Variants in SVOP observed in about 807,000 individuals in gnomAD.
SVOP encodes SV2 related protein.
A neutral mutation model predicts 69.1 loss-of-function variants in SVOP; 17 were observed. The observed-to-expected ratio is 0.25, with a 90% CI of 0.17 to 0.37. The LOEUF is 0.37. Ranked by LOEUF, SVOP falls within the 10% of genes least tolerant of loss-of-function variation. The pLI is 1.00. For synonymous variants in SVOP, 238 were observed against 238.6 expected, an observed-to-expected ratio of 1.00 and a Z score of 0.02; for missense variants, 435 against 597.5, an observed-to-expected ratio of 0.73 and a Z score of 2.84.
At chr12:108,917,992 C>T in intron 14 of SVOP, 51 bp downstream of exon 14, 1 of 1,421,160 alleles carries the variant, frequency 7.0e-7, no homozygotes. Context: ...CCCCCACAGC[C>T]ACTCTCCCCC....
At chr12:108,940,640 T>C (rs1395906630) in intron 8 of SVOP, 144 bp downstream of exon 8, 3 of 1,276,664 alleles carry the variant, frequency 2.3e-6, no homozygotes, top group South Asian at 1.5e-5. Context: ...CCCCAGGCCA[T>C]AGCTCCCTTG....
intron 6 of SVOP, among the ~76,000 whole-genome samples, chr12:108,950,764 T>C (rs1364042369): frequency 6.6e-6 from 1 of 152,216 alleles, no homozygotes; most frequent in Non-Finnish European, 1.5e-5. Flanking sequence ...TAATTATGAA[T>C]GCTTAGGTTG....
At chr12:108,915,756 C>T (rs1405038416) in intron 15 of SVOP, 27 bp downstream of exon 15, 5 of 1,580,392 alleles carry the variant, frequency 3.2e-6, no homozygotes, top group Middle Eastern at 1.7e-4. Flanking sequence ...CACCCCCCAT[C>T]CCTCTGTATT....
intron 1 of SVOP, among the ~76,000 whole-genome samples, chr12:108,992,474 G>A (rs2040207864): frequency 6.6e-6 from 1 of 152,196 alleles, no homozygotes; most frequent in South Asian, 2.1e-4. Context: ...CTGAGAGGTC[G>A]AGGCTGCAGT....
chr12:108,955,794 C>T (rs892596268), intron 6 of SVOP, among the ~76,000 whole-genome samples: 3 of 152,232 alleles, frequency 2.0e-5, no homozygotes, highest in African/African-American at 7.2e-5. Flanking sequence ...CTCTGCCAGG[C>T]ACTGTCCTGG....
chr12:108,947,573 T>C (rs944888497), intron 6 of SVOP, among the ~76,000 whole-genome samples: 1 of 152,186 alleles, frequency 6.6e-6, no homozygotes, highest in African/African-American at 2.4e-5. Flanking sequence ...CTTTGCTCAA[T>C]TTACTTGTTT....
chr12:108,914,616 C>A (rs751272654), intron 15 of SVOP, among the ~76,000 whole-genome samples: 1 of 151,850 alleles, frequency 6.6e-6, no homozygotes, highest in Non-Finnish European at 1.5e-5. Flanking sequence ...TCGCCCAGGC[C>A]GGAGTGTAGT....
intron 7 of SVOP, among the ~76,000 whole-genome samples, chr12:108,942,673 G>A (rs946620601): frequency 6.6e-5 from 10 of 152,196 alleles, no homozygotes; most frequent in Non-Finnish European, 1.2e-4. Context: ...CAACTCTCTG[G>A]GCAGCTCATT....
intron 5 of SVOP, among the ~76,000 whole-genome samples, chr12:108,969,327 C>A (rs538403222): frequency 6.7e-6 from 1 of 149,776 alleles, no homozygotes; most frequent in East Asian, 2.0e-4. Flanking sequence ...CTTCCTCCCC[C>A]CTCCCTTCCT....
In SVOP at chr12:108,999,529, ACACCT is replaced by A. The variant is rs1309609586; in HGVS notation, c.36-15773_36-15769del. 3.0e-5 allele frequency among the ~76,000 whole-genome samples: 4 copies of A among 131,734 alleles called. No homozygotes were observed. The East Asian group carries it at 7.0e-4, about 23-fold the overall frequency. 86.4% of individuals were successfully genotyped at this position (131,734 alleles called of 152,430 possible). A position where few individuals can be genotyped will look rare whatever the true frequency, so the allele number is the denominator to read the frequency against. ...TATACATTTTTTTCAGCACCACACC[ACACCT>A]ATTCCAAAATTGACCACATAGTTGG... is the stretch of plus-strand genomic sequence containing the variant. On this transcript the variant is annotated intron_variant, in intron 1 of 15. Coordinates refer to ENST00000610966, the MANE Select transcript of SVOP (RefSeq NM_018711.5).
In SVOP at chr12:108,977,312, C is replaced by T. The variant is rs553785059; in HGVS notation, c.381+86G>A. On this transcript the variant is annotated intron_variant, in intron 4 of 15. Coordinates refer to ENST00000610966, the MANE Select transcript of SVOP (RefSeq NM_018711.5). ...GCTTAATTCTTTTCTGCTGAGCCTT[C>T]GGCAGCAGGAGAAGGGAGATATCCC... 8.6e-4 allele frequency: 1,238 copies of T among 1,446,664 alleles called. 11 individuals are homozygous for T. Among genetic ancestry groups the T allele is most frequent in the South Asian group, 7.6e-3 (601 of 78,664 alleles). 89.6% of individuals were successfully genotyped at this position (1,446,664 alleles called of 1,614,324 possible). A position where few individuals can be genotyped will look rare whatever the true frequency, so the allele number is the denominator to read the frequency against.
chr12:108,925,677 T>C (rs1312238876), intron 11 of SVOP, among the ~76,000 whole-genome samples: 1 of 152,166 alleles, frequency 6.6e-6, no homozygotes, highest in Non-Finnish European at 1.5e-5. Context: ...CCCCTGTTGC[T>C]CCACTCACTC....
intron 8 of SVOP, among the ~76,000 whole-genome samples, 152 bp downstream of exon 8, chr12:108,940,632 C>A (rs1323335007): frequency 1.3e-5 from 2 of 152,136 alleles, no homozygotes; most frequent in South Asian, 2.1e-4. Flanking sequence ...TGGGGCTACC[C>A]CAGGCCATAG....
chr12:108,989,560 G>A (rs761129478), intron 1 of SVOP, among the ~76,000 whole-genome samples: 2 of 152,076 alleles, frequency 1.3e-5, no homozygotes, highest in Non-Finnish European at 2.9e-5. Flanking sequence ...TGTGAGGGCT[G>A]GGCTGTTACA....
chr12:109,019,486 A>T (rs1451394257), intron 1 of SVOP, among the ~76,000 whole-genome samples: 1 of 152,140 alleles, frequency 6.6e-6, no homozygotes, highest in Non-Finnish European at 1.5e-5. Context: ...CAAAGTTCAC[A>T]TTTCTGATAT....
intron 7 of SVOP, among the ~76,000 whole-genome samples, chr12:108,943,985 A>C (rs2039908328): frequency 6.6e-6 from 1 of 151,586 alleles, no homozygotes; most frequent in South Asian, 2.1e-4. Context: ...GGGTTCAAGC[A>C]ATTCTCCTGC....
intron 4 of SVOP, among the ~76,000 whole-genome samples, chr12:108,972,931 G>C (rs976193283): frequency 1.3e-5 from 2 of 152,238 alleles, no homozygotes; most frequent in African/African-American, 2.4e-5. Context: ...ACCACTCATT[G>C]TGTGGGAGGC....
chr12:108,917,294 A>G (rs2039719919), intron 14 of SVOP, among the ~76,000 whole-genome samples: 2 of 152,176 alleles, frequency 1.3e-5, no homozygotes, highest in South Asian at 4.1e-4. Context: ...TCATTCACTT[A>G]CTTATTCAGC....
chr12:108,973,462 G>T (rs2040090435), intron 4 of SVOP, among the ~76,000 whole-genome samples: 1 of 152,172 alleles, frequency 6.6e-6, no homozygotes, highest in African/African-American at 2.4e-5. Flanking sequence ...TATGGTCATG[G>T]TTCACTGCAG....
Sources: allele counts gnomAD v4.1 joint callset (sites outside exome capture counted in the v4.1 genomes callset), GRCh38; gene constraint gnomAD v4.1.1; transcripts MANE v1.5; gene names NCBI Gene and HGNC (gene_info 2026-07-23, HGNC 2026-07-21).